The following RXRA variants were observed in gnomAD, a reference collection of about 807,000 sequenced individuals.
The protein encoded by RXRA is retinoic acid receptor RXR-alpha.
In RXRA, 5 loss-of-function variants were observed where a neutral mutation model predicts 44.5. That is an observed-to-expected ratio of 0.11 (90% CI 0.06 to 0.24). The LOEUF is 0.24. Among genes scored for constraint, RXRA ranks in the 10% least tolerant of loss-of-function variants. The pLI is 1.00. For missense variants in RXRA, 412 were observed against 646.5 expected, an observed-to-expected ratio of 0.64 and a Z score of 3.93; for synonymous variants, 291 against 271.4, an observed-to-expected ratio of 1.07 and a Z score of -0.71.
chr9:134,341,666 G>A (rs887638866), intron 1 of RXRA, among the ~76,000 whole-genome samples: 1 of 152,204 alleles, frequency 6.6e-6, no homozygotes, highest in Non-Finnish European at 1.5e-5. Context: ...CACACACCTG[G>A]TGGCAGAGCT....
intron 1 of RXRA, among the ~76,000 whole-genome samples, chr9:134,367,632 G>T (rs1007457333): frequency 6.6e-6 from 1 of 152,236 alleles, no homozygotes; most frequent in Non-Finnish European, 1.5e-5. Context: ...GCTGGGGAGT[G>T]TGGGGTGGGC....
intron 1 of RXRA, among the ~76,000 whole-genome samples, chr9:134,362,563 A>G (rs1236164684): frequency 6.6e-6 from 1 of 152,194 alleles, no homozygotes; most frequent in Non-Finnish European, 1.5e-5. Flanking sequence ...ACAGGCCTTC[A>G]TGGGTTTCAT....
intron 1 of RXRA, among the ~76,000 whole-genome samples, chr9:134,339,391 T>C (rs1338527448): frequency 6.6e-6 from 1 of 152,138 alleles, no homozygotes; most frequent in East Asian, 1.9e-4. Flanking sequence ...AGCCTCTGTC[T>C]GCGTGTGAGC....
Position 134,366,884 on chromosome 9 carries a change from G to A in RXRA, c.29-34748G>A, listed in dbSNP as rs149024617. ...CCCAGTCGGAACGTGGTGGAAAGGC[G>A]CCAGGCAGGCTGAGTCGGAGATGTC... On this transcript the variant is annotated intron_variant, in intron 1 of 9. Coordinates refer to ENST00000481739, the MANE Select transcript of RXRA (RefSeq NM_002957.6). The surrounding 1 kb of genome is among the most constrained non-coding windows in gnomAD (Gnocchi z 5.9). 1.3e-5 allele frequency among the ~76,000 whole-genome samples: 2 copies of A among 152,150 alleles called. No individual in the cohort carries two copies. The highest frequency in any genetic ancestry group is 6.5e-5 in the Admixed American group (1 of 15,270).
chr9:134,358,483 C>T (rs1830310770), intron 1 of RXRA, among the ~76,000 whole-genome samples: 1 of 152,148 alleles, frequency 6.6e-6, no homozygotes, highest in South Asian at 2.1e-4. Context: ...ATGGGGAGGT[C>T]AGTAGCTGAG....
At chr9:134,353,764 C>T (rs1288524986) in intron 1 of RXRA, among the ~76,000 whole-genome samples, 1 of 152,234 alleles carries the variant, frequency 6.6e-6, no homozygotes, top group Non-Finnish European at 1.5e-5. Flanking sequence ...CCTGGTTGGC[C>T]TCCAGGCCTG....
At chr9:134,378,367 G>GCGCCTGTGTGCA (rs1203485032) in intron 1 of RXRA, among the ~76,000 whole-genome samples, 1 of 36,136 alleles carries the variant, frequency 2.8e-5, no homozygotes, top group Non-Finnish European at 9.1e-5. Flanking sequence ...GCCTGTGTGC[G>GCGCCTGTGTGCA]GGGTCCTTAC....
intron 1 of RXRA, among the ~76,000 whole-genome samples, chr9:134,395,492 T>C (rs1830864164): frequency 6.6e-6 from 1 of 152,202 alleles, no homozygotes; most frequent in African/African-American, 2.4e-5. Context: ...TAGGGCCACT[T>C]CCTGGGGGTT....
chr9:134,360,383 G>A (rs1360144263), intron 1 of RXRA, among the ~76,000 whole-genome samples: 5 of 152,156 alleles, frequency 3.3e-5, no homozygotes, highest in Non-Finnish European at 7.4e-5. Flanking sequence ...GCCCAGGCCT[G>A]GGCTTGCCGA....
chr9:134,385,340 C>G (rs935940153), intron 1 of RXRA, among the ~76,000 whole-genome samples: 7 of 152,228 alleles, frequency 4.6e-5, no homozygotes, highest in Non-Finnish European at 5.9e-5. Flanking sequence ...TGGAGGGAGG[C>G]TGGGAGCCAT....
chr9:134,346,380 G>A (rs1158311570), intron 1 of RXRA, among the ~76,000 whole-genome samples: 1 of 152,096 alleles, frequency 6.6e-6, no homozygotes, highest in African/African-American at 2.4e-5. Flanking sequence ...GCCCCTTCAG[G>A]TCTCCCTCGG....
rs139371874 is a variant in RXRA at position 134,390,145 on chromosome 9, C to T, written c.29-11487C>T. Among the ~76,000 whole-genome samples, 698 of 152,230 alleles carry T rather than the reference C, an allele frequency of 4.6e-3. 5 individuals are homozygous for T. Among genetic ancestry groups the T allele is most frequent in the African/African-American group, 0.016 (648 of 41,524 alleles). On this transcript the variant is annotated intron_variant, in intron 1 of 9. Coordinates refer to ENST00000481739, the MANE Select transcript of RXRA (RefSeq NM_002957.6). ...GGATTTTTCTCTCGGCCTCCTGGGTCGGCATCTCCTTGGTGCAGGGTGGAG... is the reference window on the plus strand; with the variant it reads ...GGATTTTTCTCTCGGCCTCCTGGGTTGGCATCTCCTTGGTGCAGGGTGGAG...
intron 1 of RXRA, among the ~76,000 whole-genome samples, chr9:134,350,903 C>T (rs1006402962): frequency 3.3e-5 from 5 of 152,232 alleles, no homozygotes; most frequent in Admixed American, 1.3e-4. Context: ...CCAGGGCCAA[C>T]GTCAGCACCT....
intron 1 of RXRA, among the ~76,000 whole-genome samples, chr9:134,358,575 C>A (rs527314778): frequency 1.1e-4 from 16 of 152,208 alleles, no homozygotes; most frequent in Non-Finnish European, 2.1e-4. Context: ...GGTCTTGTTC[C>A]AGAGACTTCC....
intron 6 of RXRA, chr9:134,422,097 T>C: frequency 7.7e-7 from 1 of 1,306,382 alleles, no homozygotes; most frequent in Non-Finnish European, 9.9e-7. Context: ...CACTCCCGAC[T>C]CCTGGGACAC....
At chr9:134,337,462 G>C (rs1463135122) in intron 1 of RXRA, among the ~76,000 whole-genome samples, 1 of 152,190 alleles carries the variant, frequency 6.6e-6, no homozygotes, top group Non-Finnish European at 1.5e-5. Context: ...CCACTTGATG[G>C]GATATGACCT....
At chr9:134,326,707 C>CGGCG in intron 1 of RXRA, 48 bp downstream of exon 1, 1 of 470,994 alleles carries the variant, frequency 2.1e-6, no homozygotes, top group Non-Finnish European at 2.7e-6. Context: ...GGCCGGGGGC[C>CGGCG]GGCGGGCGGG....
At chr9:134,387,139 G>A (rs1830731920) in intron 1 of RXRA, among the ~76,000 whole-genome samples, 1 of 152,234 alleles carries the variant, frequency 6.6e-6, no homozygotes, top group Admixed American at 6.5e-5. Context: ...GAGTGAGGGG[G>A]CTGAGTCGGA....
chr9:134,423,897 C>T (rs572957158), intron 6 of RXRA: 6 of 985,290 alleles, frequency 6.1e-6, no homozygotes, highest in African/African-American at 1.7e-5. Context: ...CCCACCAGAC[C>T]GATCCAGAGA....
Sources: gnomAD v4.1 joint callset for allele counts (sites outside exome capture counted in the v4.1 genomes callset) on GRCh38, gnomAD v4.1.1 for gene constraint, Gnocchi (gnomAD v3.1) non-coding constraint, MANE v1.5 for transcripts, NCBI Gene and HGNC (gene_info 2026-07-23, HGNC 2026-07-21) for gene names.